Variants in CDK14 observed in about 807,000 individuals in gnomAD.
The protein encoded by CDK14 is cyclin-dependent kinase 14.
In CDK14, 34 loss-of-function variants were observed where a neutral mutation model predicts 60.7. The ratio of observed to expected loss-of-function variants is 0.56; its 90% CI spans 0.43 to 0.75. The LOEUF is 0.75. Among genes scored for constraint, CDK14 ranks in the 30% least tolerant of loss-of-function variants. The pLI, the probability that CDK14 is intolerant of heterozygous loss-of-function variation, is 0.00. For missense variants in CDK14, 482 were observed against 564.1 expected (o/e 0.85, Z 1.47); for synonymous variants, 197 against 203.7 (o/e 0.97, Z 0.28).
intron 14 of CDK14, among the ~76,000 whole-genome samples, chr7:91,190,835 G>A (rs1245803235): frequency 2.0e-5 from 3 of 152,064 alleles, no homozygotes; most frequent in Admixed American, 2.0e-4. Context: ...ACTTCCAAGG[G>A]AAGATAACAA....
intron 12 of CDK14, among the ~76,000 whole-genome samples, chr7:91,083,205 T>G (rs889147968): frequency 1.3e-5 from 2 of 152,184 alleles, no homozygotes; most frequent in Non-Finnish European, 2.9e-5. Context: ...TTGTAATATT[T>G]TCAAAGAAAT....
intron 5 of CDK14, among the ~76,000 whole-genome samples, chr7:90,838,863 G>A (rs777787439): frequency 6.6e-6 from 1 of 152,118 alleles, no homozygotes. Flanking sequence ...CCCTTGCCTT[G>A]TGGTCTTGCT....
intron 6 of CDK14, among the ~76,000 whole-genome samples, chr7:90,880,327 T>C (rs1791704584): frequency 6.6e-6 from 1 of 152,192 alleles, no homozygotes; most frequent in African/African-American, 2.4e-5. Flanking sequence ...TCTGTGGCCA[T>C]AGTGCTTCTT....
chr7:91,065,034 G>A (rs575421024), intron 11 of CDK14, among the ~76,000 whole-genome samples: 1 of 152,156 alleles, frequency 6.6e-6, no homozygotes, highest in Non-Finnish European at 1.5e-5. Context: ...TTATTTCTAT[G>A]TTAGAAACAC....
chr7:91,205,190 A>G (rs577482792), intron 14 of CDK14, among the ~76,000 whole-genome samples: 1 of 152,348 alleles, frequency 6.6e-6, no homozygotes, highest in African/African-American at 2.4e-5. Context: ...TTCTAGATAT[A>G]TACCCAAAAG....
At chr7:90,978,804 G>A (rs1478778335) in intron 9 of CDK14, among the ~76,000 whole-genome samples, 1 of 151,942 alleles carries the variant, frequency 6.6e-6, no homozygotes, top group African/African-American at 2.4e-5. Flanking sequence ...AACTTCTAAG[G>A]CATATTTTAT....
intron 3 of CDK14, among the ~76,000 whole-genome samples, chr7:90,739,608 G>GTGGTGAC (rs1211476133): frequency 6.6e-6 from 1 of 152,100 alleles, no homozygotes; most frequent in Non-Finnish European, 1.5e-5. Flanking sequence ...CTCTTGCCAA[G>GTGGTGAC]TGGTGACTGT....
intron 4 of CDK14, among the ~76,000 whole-genome samples, chr7:90,765,527 C>T (rs138882733): frequency 5.3e-5 from 8 of 150,180 alleles, no homozygotes; most frequent in East Asian, 2.0e-4. Context: ...AGAGCATGGA[C>T]GATGATGTCA....
intron 10 of CDK14, among the ~76,000 whole-genome samples, chr7:90,992,388 T>C (rs947561696): frequency 4.6e-5 from 7 of 152,226 alleles, no homozygotes; most frequent in Admixed American, 1.3e-4. Flanking sequence ...TTCTAAGTTA[T>C]TCATTTATGC....
chr7:90,659,957 G>T (rs931845723), intron 2 of CDK14, among the ~76,000 whole-genome samples: 2 of 151,498 alleles, frequency 1.3e-5, no homozygotes, highest in African/African-American at 4.9e-5. Flanking sequence ...GTAAAAGCAC[G>T]ACCTTATTAA....
At chr7:90,858,785 A>G (rs1048147475) in intron 5 of CDK14, among the ~76,000 whole-genome samples, 3 of 152,206 alleles carry the variant, frequency 2.0e-5, no homozygotes, top group East Asian at 1.9e-4. Flanking sequence ...AAATGAGCCT[A>G]TGCGATCCCC....
chr7:90,804,052 T>C (rs955742103), intron 5 of CDK14, among the ~76,000 whole-genome samples: 2 of 152,216 alleles, frequency 1.3e-5, no homozygotes, highest in African/African-American at 4.8e-5. Context: ...TTCTATTATA[T>C]GGCCTTACTA....
intron 14 of CDK14, among the ~76,000 whole-genome samples, chr7:91,176,260 A>T (rs1801749935): frequency 6.6e-6 from 1 of 152,224 alleles, no homozygotes; most frequent in Non-Finnish European, 1.5e-5. Flanking sequence ...TTTGAACGCA[A>T]CGAGAGCAAA....
intron 2 of CDK14, among the ~76,000 whole-genome samples, chr7:90,718,718 T>C (rs1398380391): frequency 6.6e-6 from 1 of 152,160 alleles, no homozygotes. Flanking sequence ...CATCTCTGTG[T>C]ATACACACAT....
intron 9 of CDK14, among the ~76,000 whole-genome samples, chr7:90,964,066 A>G (rs913471996): frequency 6.6e-6 from 1 of 152,178 alleles, no homozygotes; most frequent in Admixed American, 6.5e-5. Flanking sequence ...TTTTATGATA[A>G]TTATCCTTGA....
chr7:90,905,339 C>T (rs181216060), intron 7 of CDK14, among the ~76,000 whole-genome samples: 11 of 151,934 alleles, frequency 7.2e-5, no homozygotes, highest in Admixed American at 7.2e-4. Context: ...GTAGTGGCCA[C>T]AAAGAAAACC....
chr7:91,015,578 A>G (rs909089615), intron 10 of CDK14, among the ~76,000 whole-genome samples: 5 of 114,030 alleles, frequency 4.4e-5, no homozygotes, highest in Non-Finnish European at 1.6e-5. Flanking sequence ...CCCAGGCTGG[A>G]GTGCAGTGGC....
At chr7:90,818,916 A>ATG (rs1247412275) in intron 5 of CDK14, among the ~76,000 whole-genome samples, 1 of 151,794 alleles carries the variant, frequency 6.6e-6, no homozygotes, top group Non-Finnish European at 1.5e-5. Flanking sequence ...GTGTATATAT[A>ATG]TATAATTTGT....
chr7:91,125,713 A>C (rs140231145), intron 14 of CDK14, among the ~76,000 whole-genome samples: 193 of 152,330 alleles, frequency 1.3e-3, no homozygotes, highest in African/African-American at 4.4e-3. Flanking sequence ...CATTGGTGGA[A>C]ATTTATCTCA....
Sources: allele counts gnomAD v4.1 joint callset (sites outside exome capture counted in the v4.1 genomes callset), GRCh38; gene constraint gnomAD v4.1.1; transcripts MANE v1.5; gene names NCBI Gene and HGNC (gene_info 2026-07-23, HGNC 2026-07-21).